Variants in SRCIN1 observed in about 807,000 individuals in gnomAD.
SRCIN1 encodes SRC kinase signaling inhibitor 1.
Under a neutral mutation model 116.2 loss-of-function variants are expected in SRCIN1, and 50 were observed. The observed-to-expected ratio is 0.43, with a 90% CI of 0.34 to 0.54. The LOEUF is 0.54. Among genes scored for constraint, SRCIN1 ranks in the 20% least tolerant of loss-of-function variants. The pLI is 0.02. For missense variants in SRCIN1, 1,446 were observed against 1,672.0 expected (o/e 0.86, Z 2.36); for synonymous variants, 736 against 750.0 (o/e 0.98, Z 0.30).
chr17:38,573,634 C>A (rs1381051619), intron 2 of SRCIN1, among the ~76,000 whole-genome samples: 2 of 152,218 alleles, frequency 1.3e-5, no homozygotes, highest in Non-Finnish European at 2.9e-5. Context: ...CACTCCTGTC[C>A]ATCATCCAAC....
chr17:38,586,290 C>T (rs889515278), intron 1 of SRCIN1, among the ~76,000 whole-genome samples: 6 of 152,206 alleles, frequency 3.9e-5, no homozygotes, highest in Non-Finnish European at 8.8e-5. Context: ...ATCCCCCCAG[C>T]GTGGGCCCTG....
At chr17:38,535,203 T>C (rs1415502638) in intron 18 of SRCIN1, among the ~76,000 whole-genome samples, 1 of 137,614 alleles carries the variant, frequency 7.3e-6, no homozygotes, top group Non-Finnish European at 1.5e-5. Flanking sequence ...GGTTTTCTTT[T>C]TCTTTCTTTT....
intron 18 of SRCIN1, among the ~76,000 whole-genome samples, chr17:38,538,429 A>AAC (rs1555604568): frequency 1.4e-5 from 2 of 147,666 alleles, no homozygotes; most frequent in African/African-American, 5.1e-5. Context: ...AAAAAAAAAA[A>AAC]AAAATAATAA....
chr17:38,548,818 G>A (rs764116016), intron 16 of SRCIN1, 109 bp from the exon 17 acceptor site: 542 of 1,401,988 alleles, frequency 3.9e-4, no homozygotes, highest in Non-Finnish European at 4.8e-4. Context: ...TGCTACTTCT[G>A]CTGCTACACC....
At chr17:38,605,151 G>C (rs1398704964) in intron 1 of SRCIN1, among the ~76,000 whole-genome samples, 1 of 151,902 alleles carries the variant, frequency 6.6e-6, no homozygotes, top group Non-Finnish European at 1.5e-5. Context: ...CCTCCCTGGA[G>C]GCTGGCGCAA....
At chr17:38,574,188 A>C (rs766965380) in intron 2 of SRCIN1, among the ~76,000 whole-genome samples, 5 of 152,100 alleles carry the variant, frequency 3.3e-5, no homozygotes, top group Non-Finnish European at 5.9e-5. Flanking sequence ...TTCCCATTGC[A>C]ACTCTGATGC....
intron 1 of SRCIN1, among the ~76,000 whole-genome samples, chr17:38,579,819 CA>C (rs1907680161): frequency 6.6e-6 from 1 of 152,214 alleles, no homozygotes; most frequent in Non-Finnish European, 1.5e-5. Context: ...GACCAGTGGC[CA>C]GGGGTTCCAG....
At chr17:38,595,833 C>A (rs1757657937) in intron 1 of SRCIN1, among the ~76,000 whole-genome samples, 2 of 152,262 alleles carry the variant, frequency 1.3e-5, no homozygotes, top group Non-Finnish European at 2.9e-5. Flanking sequence ...TGTACACGCA[C>A]ACTCACTGAC....
Position 38,561,830 on chromosome 17 carries a change from A to G in SRCIN1, c.1333T>C (p.Ser445Pro). 6.8e-7 allele frequency: 1 copy of G among 1,477,550 alleles called. No individual in the cohort carries two copies. The highest frequency in any genetic ancestry group is 8.9e-7 in the Non-Finnish European group (1 of 1,123,652). 91.5% of individuals were successfully genotyped at this position (1,477,550 alleles called of 1,614,324 possible). ...TTGTACAGGGAGTCCTCCAGATCGGACTGCAGCGCGGCGGCCGAGTAGGTG... is the reference window on the plus strand; with the variant it reads ...TTGTACAGGGAGTCCTCCAGATCGGGCTGCAGCGCGGCGGCCGAGTAGGTG... ...LSTYSAAALQ[S>P]DLEDSLYKAA... The change falls in exon 7 of 19, where the codon TCC (serine) becomes CCC (proline). Residue 445 changes from serine (S) to proline (P), a missense_variant. Coordinates refer to ENST00000617146, the MANE Select transcript of SRCIN1 (RefSeq NM_025248.3).
chr17:38,603,002 A>C (rs1373117541), intron 1 of SRCIN1, among the ~76,000 whole-genome samples: 1 of 151,696 alleles, frequency 6.6e-6, no homozygotes, highest in Non-Finnish European at 1.5e-5. Context: ...CCTCCTAAGC[A>C]CTTCCAGGGC....
intron 11 of SRCIN1, among the ~76,000 whole-genome samples, chr17:38,554,282 A>G (rs578021297): frequency 1.3e-5 from 2 of 152,126 alleles, no homozygotes; most frequent in East Asian, 3.9e-4. Flanking sequence ...AAGACAGGAA[A>G]GCACGCGGCA....
intron 2 of SRCIN1, among the ~76,000 whole-genome samples, chr17:38,574,072 T>C (rs1018616512): frequency 1.3e-5 from 2 of 152,154 alleles, no homozygotes; most frequent in African/African-American, 2.4e-5. Context: ...AAGCAGGGTG[T>C]GTAAGGACCT....
rs1256313549 is a variant in SRCIN1 at position 38,544,177 on chromosome 17, G to A, written c.3271-208C>T. On this transcript the variant is annotated intron_variant, in intron 17 of 18. Coordinates refer to ENST00000617146, the MANE Select transcript of SRCIN1 (RefSeq NM_025248.3). The surrounding 1 kb of genome is among the most constrained non-coding windows in gnomAD (Gnocchi z 4.5). ...TATGGTCTCCCTGCAGGAGAGGGGT[G>A]GGGCCCAAGCCAGTTTCCCAACGGC... is the stretch of plus-strand genomic sequence containing the variant. Among the ~76,000 whole-genome samples, 1 of 152,136 alleles carries A rather than the reference G, an allele frequency of 6.6e-6. No individual in the cohort carries two copies. Among genetic ancestry groups the A allele is most frequent in the Non-Finnish European group, 1.5e-5 (1 of 68,014 alleles).
At chr17:38,564,674 G>A (rs1906564233) in intron 3 of SRCIN1, among the ~76,000 whole-genome samples, 1 of 150,390 alleles carries the variant, frequency 6.6e-6, no homozygotes, top group African/African-American at 2.5e-5. Context: ...GAGCAAATTG[G>A]GGCATTAGTT....
In SRCIN1 at chr17:38,572,216, G is replaced by C. The variant is rs1352843407; in HGVS notation, c.325-3985C>G. Among the ~76,000 whole-genome samples the C allele has an allele frequency of 6.6e-6, 1 of 152,206 alleles. No homozygotes were observed. Among genetic ancestry groups the C allele is most frequent in the Non-Finnish European group, 1.5e-5 (1 of 68,022 alleles). On this transcript the variant is annotated intron_variant, in intron 2 of 18. Coordinates refer to ENST00000617146, the MANE Select transcript of SRCIN1 (RefSeq NM_025248.3). This position sits in a 1 kb window ranked among gnomAD's most constrained non-coding sequence, Gnocchi z 4.3. Reference sequence around the variant, plus strand: ...TCTCAACTCCCATGAACACGAGTCAGCGTAAACACTCGTCCCCCGGGCTGG... The same window carrying C: ...TCTCAACTCCCATGAACACGAGTCACCGTAAACACTCGTCCCCCGGGCTGG...
At position 38,580,633 on chromosome 17, in the gene SRCIN1, T is replaced by C. The variant is rs187747046; in HGVS notation, c.23-1842A>G. Reference sequence around the variant, plus strand: ...GCCACCACACTCTCCACGATGACTGTTTCTTGAGTGAACATTGACAGCACC... The same window carrying C: ...GCCACCACACTCTCCACGATGACTGCTTCTTGAGTGAACATTGACAGCACC... On this transcript the variant is annotated intron_variant, in intron 1 of 18. Coordinates refer to ENST00000617146, the MANE Select transcript of SRCIN1 (RefSeq NM_025248.3). 2.6e-5 allele frequency among the ~76,000 whole-genome samples: 4 copies of C among 152,286 alleles called. No homozygotes were observed. The East Asian group carries it at 7.7e-4, about 29-fold the overall frequency.
intron 9 of SRCIN1, 128 bp downstream of exon 9, chr17:38,559,926 G>T: frequency 7.4e-7 from 1 of 1,348,360 alleles, no homozygotes; most frequent in Non-Finnish European, 1.0e-6. Context: ...TAACGGTGGG[G>T]ACCAAAGTGC....
chr17:38,583,978 C>A (rs916767045), intron 1 of SRCIN1, among the ~76,000 whole-genome samples: 2 of 152,140 alleles, frequency 1.3e-5, no homozygotes, highest in African/African-American at 4.8e-5. Context: ...TGACCCCCCT[C>A]GGACCTGAGC....
rs1323310056 is a variant in SRCIN1, at chr17:38,559,653, G to A, written c.1957C>T (p.His653Tyr). The A allele has an allele frequency of 3.2e-5, 51 of 1,602,616 alleles. No individual in the cohort carries two copies. Among genetic ancestry groups the A allele is most frequent in the Non-Finnish European group, 4.2e-5 (50 of 1,179,300 alleles). Reference sequence around the variant, plus strand: ...GCGCTGTTCTGCAGGCCTCGCAGGTGAAGCTGCATCTGCAGCCGGCTAACG... The same window carrying A: ...GCGCTGTTCTGCAGGCCTCGCAGGTAAAGCTGCATCTGCAGCCGGCTAACG... ...TAVSRLQMQL[H>Y]LRGLQNSASD... The change falls in exon 10 of 19, where the codon CAC becomes TAC. Residue 653 changes from histidine (H) to tyrosine (Y), a missense_variant. Physicochemically the swap from His to Tyr is moderately conservative, Grantham distance 83. This residue lies in a region of SRCIN1 where 398 missense variants were observed against 385.6 expected (regional missense o/e 1.03). Transcript: ENST00000617146.
Sources: gnomAD v4.1 joint callset for allele counts (sites outside exome capture counted in the v4.1 genomes callset) on GRCh38, gnomAD v4.1.1 for gene constraint, gnomAD v4.1.1 regional missense constraint, Gnocchi (gnomAD v3.1) non-coding constraint, MANE v1.5 for transcripts, NCBI Gene and HGNC (gene_info 2026-07-23, HGNC 2026-07-21) for gene names.